EML4: variants seen among roughly 807,000 people sequenced by gnomAD.
EML4 encodes the protein EMAP like 4.
A neutral mutation model predicts 129.0 loss-of-function variants in EML4; 72 were observed. The ratio of observed to expected loss-of-function variants is 0.56; its 90% CI spans 0.46 to 0.68. EML4 has a LOEUF of 0.68. Ranked by LOEUF, EML4 falls within the 30% of genes least tolerant of loss-of-function variation. The pLI is 0.00. For missense variants in EML4, 1,363 were observed against 1,190.6 expected, an observed-to-expected ratio of 1.14 and a Z score of -2.13; for synonymous variants, 532 against 405.0, an observed-to-expected ratio of 1.31 and a Z score of -3.77.
intron 1 of EML4, among the ~76,000 whole-genome samples, chr2:42,180,440 T>C (rs1670866014): frequency 6.6e-6 from 1 of 152,224 alleles, no homozygotes; most frequent in Non-Finnish European, 1.5e-5. Flanking sequence ...ACTCTGGACT[T>C]GCATTCCATT....
rs3038374 is a variant in EML4, at chr2:42,203,640, C to CTTTT, written c.25+34013_25+34016dup. ...ATTTTTTCAGACTTTATAGCCACCC[C>CTTTT]TTTTTTTTTTTTGTAGAAGTTCCCT... is the stretch of plus-strand genomic sequence containing the variant. On this transcript the variant is annotated intron_variant, in intron 1 of 22. Coordinates refer to ENST00000318522, the MANE Select transcript of EML4 (RefSeq NM_019063.5). Among the ~76,000 whole-genome samples, 165 of 141,376 alleles carry CTTTT rather than the reference C, an allele frequency of 1.2e-3. 2 individuals carry two copies. The highest frequency in any genetic ancestry group is 7.6e-3 in the South Asian group (34 of 4,474). The allele number at this position is 141,376 out of a possible 152,430, so 92.7% of individuals were successfully genotyped here.
At chr2:42,230,998 C>T (rs749260806) in intron 1 of EML4, among the ~76,000 whole-genome samples, 16 of 152,176 alleles carry the variant, frequency 1.1e-4, no homozygotes, top group Non-Finnish European at 2.1e-4. Flanking sequence ...TAAATAAAAA[C>T]ACCACTGTCA....
At chr2:42,236,595 C>T (rs750781290) in intron 1 of EML4, among the ~76,000 whole-genome samples, 1 of 152,194 alleles carries the variant, frequency 6.6e-6, no homozygotes, top group Non-Finnish European at 1.5e-5. Flanking sequence ...ACTGTGTGGT[C>T]TGCAAAGCCT....
At chr2:42,230,285 C>CTAG (rs1478732450) in intron 1 of EML4, among the ~76,000 whole-genome samples, 18 of 152,146 alleles carry the variant, frequency 1.2e-4, no homozygotes, top group Admixed American at 1.2e-3. Context: ...GTTTTACAAT[C>CTAG]TAGTTAGGAA....
chr2:42,234,860 A>G (rs879688445), intron 1 of EML4, among the ~76,000 whole-genome samples: 1 of 152,262 alleles, frequency 6.6e-6, no homozygotes, highest in Non-Finnish European at 1.5e-5. Flanking sequence ...AACATCATCA[A>G]AAACAATTAT....
intron 11 of EML4, chr2:42,289,874 C>T (rs1360870984): frequency 6.7e-6 from 1 of 149,112 alleles, no homozygotes. Context: ...TCAAGACCAC[C>T]CCGGCCAACA....
chr2:42,301,118 T>C (rs6756678), intron 13 of EML4, 123 bp from the exon 14 acceptor site: 1 of 767,778 alleles, frequency 1.3e-6, no homozygotes, highest in Non-Finnish European at 2.0e-6. Context: ...AAATAGGTTT[T>C]TGATTGAGTC....
intron 1 of EML4, among the ~76,000 whole-genome samples, chr2:42,194,522 CTT>C (rs879663296): frequency 2.8e-5 from 4 of 141,384 alleles, no homozygotes; most frequent in Admixed American, 1.4e-4. Flanking sequence ...TTTTTTATTT[CTT>C]TTTTTTTTTT....
chr2:42,184,433 T>A (rs1460183204), intron 1 of EML4, among the ~76,000 whole-genome samples: 1 of 134,126 alleles, frequency 7.5e-6, no homozygotes, highest in Non-Finnish European at 1.5e-5. Flanking sequence ...ATTTTCATTG[T>A]CACTCCCTGG....
Position 42,330,505 on chromosome 2 carries a change from A to T in EML4, c.*298A>T. On this transcript the variant is annotated 3_prime_UTR_variant, in exon 23 of 23. Coordinates refer to ENST00000318522, the MANE Select transcript of EML4 (RefSeq NM_019063.5). ...TGATGTAAATACTGGAAACAAAAAC[A>T]GCAGTTGCATTGATTTTGAAAACAA... 2.0e-6 allele frequency: 1 copy of T among 494,670 alleles called. No individual in the cohort carries two copies. The highest frequency in any genetic ancestry group is 3.7e-6 in the Non-Finnish European group (1 of 270,454). 30.6% of individuals were successfully genotyped at this position (494,670 alleles called of 1,614,324 possible). A position where few individuals can be genotyped will look rare whatever the true frequency, so the allele number is the denominator to read the frequency against.
intron 17 of EML4, among the ~76,000 whole-genome samples, chr2:42,308,593 A>T (rs1015745956): frequency 1.3e-5 from 2 of 152,220 alleles, no homozygotes; most frequent in African/African-American, 4.8e-5. Context: ...AAAGAAATAA[A>T]AAATAATTCA....
Position 42,307,152 on chromosome 2 carries a change from G to A in EML4, c.1967+2601G>A, listed in dbSNP as rs369928339. On this transcript the variant is annotated intron_variant, in intron 17 of 22. Transcript: ENST00000318522. Reference sequence around the variant, plus strand: ...CTGCTTTGGTTGAAGAAAACACTGTGTGTTTACAAATAGACATACACGGCC... The same window carrying A: ...CTGCTTTGGTTGAAGAAAACACTGTATGTTTACAAATAGACATACACGGCC... Among the ~76,000 whole-genome samples, 22 of 152,318 alleles carry A rather than the reference G, an allele frequency of 1.4e-4. No homozygotes were observed. In the East Asian group the frequency reaches 3.3e-3, roughly 23 times the overall value.
At chr2:42,220,217 T>TG (rs1222913637) in intron 1 of EML4, among the ~76,000 whole-genome samples, 1 of 147,966 alleles carries the variant, frequency 6.8e-6, no homozygotes, top group Non-Finnish European at 1.5e-5. Flanking sequence ...TTCATACTCT[T>TG]GCACTTTGCA....
intron 17 of EML4, among the ~76,000 whole-genome samples, chr2:42,314,621 T>A (rs1669136597): frequency 1.3e-5 from 2 of 152,248 alleles, no homozygotes; most frequent in African/African-American, 4.8e-5. Flanking sequence ...CTTGCCAAAA[T>A]TTGGTTTTTG....
intron 13 of EML4, among the ~76,000 whole-genome samples, chr2:42,298,787 G>A (rs1668100333): frequency 6.6e-6 from 1 of 152,042 alleles, no homozygotes; most frequent in Non-Finnish European, 1.5e-5. Context: ...GCAGACTTAA[G>A]CATAGAAAAG....
intron 1 of EML4, among the ~76,000 whole-genome samples, chr2:42,170,790 A>T (rs1670224871): frequency 6.6e-6 from 1 of 152,234 alleles, no homozygotes; most frequent in African/African-American, 2.4e-5. Context: ...ATTTCTTGAT[A>T]ATAAGTCTCT....
chr2:42,218,445 C>T lies in EML4; in HGVS notation c.26-27060C>T, dbSNP rs910287899. 1.1e-4 allele frequency among the ~76,000 whole-genome samples: 16 copies of T among 152,028 alleles called. 1 individual carries two copies. The highest frequency in any genetic ancestry group is 1.0e-4 in the Non-Finnish European group (7 of 68,000). ...TGTTTGAATGATCCCAGCCCTCCCC[C>T]GCTGCCCCTAGTCTGTGGAAACATT... On this transcript the variant is annotated intron_variant, in intron 1 of 22. Transcript: ENST00000318522.
intron 1 of EML4, among the ~76,000 whole-genome samples, chr2:42,236,219 A>T (rs1322597539): frequency 6.6e-6 from 1 of 152,190 alleles, no homozygotes; most frequent in African/African-American, 2.4e-5. Context: ...CTTTACATTC[A>T]TCATGTTCCT....
intron 3 of EML4, among the ~76,000 whole-genome samples, chr2:42,259,713 T>A (rs1665589932): frequency 8.1e-6 from 1 of 123,124 alleles, no homozygotes; most frequent in Non-Finnish European, 1.7e-5. Context: ...TGATTTTGTT[T>A]CTTTCTTTCT....
Sources: allele counts gnomAD v4.1 joint callset (sites outside exome capture counted in the v4.1 genomes callset), GRCh38; gene constraint gnomAD v4.1.1; transcripts MANE v1.5; gene names NCBI Gene and HGNC (gene_info 2026-07-23, HGNC 2026-07-21).